MYH15: variants seen among roughly 807,000 people sequenced by gnomAD.
The protein encoded by MYH15 is myosin heavy chain 15, also known as myosin-15.
A neutral mutation model predicts 240.5 loss-of-function variants in MYH15; 227 were observed. The observed-to-expected ratio is 0.94, with a 90% CI of 0.85 to 1.05. The LOEUF is 1.05. Among genes scored for constraint, MYH15 ranks in the 50% least tolerant of loss-of-function variants. MYH15 has a pLI of 0.00. For synonymous variants in MYH15, 785 were observed against 796.7 expected (o/e 0.99, Z 0.25); for missense variants, 2,217 against 2,247.5 (o/e 0.99, Z 0.27).
At chr3:108,533,725 T>C (rs2083727575), upstream of MYH15, among the ~76,000 whole-genome samples, 1 of 152,172 alleles carries the variant, frequency 6.6e-6, no homozygotes, top group African/African-American at 2.4e-5. Context: ...AGAATACATG[T>C]CATAGGTCAG....
chr3:108,498,334 A>C (rs2083410013), intron 5 of MYH15, among the ~76,000 whole-genome samples, 189 bp from the exon 6 acceptor site: 1 of 152,234 alleles, frequency 6.6e-6, no homozygotes, highest in South Asian at 2.1e-4. Flanking sequence ...TTCAGGCTGG[A>C]AAAACAGCAT....
Position 108,410,934 on chromosome 3 carries a change from T to G in MYH15, c.4146-2A>C. On this transcript the variant is annotated splice_acceptor_variant, in intron 30 of 40. Coordinates refer to ENST00000693548, the MANE Select transcript of MYH15 (RefSeq NM_014981.3). LOFTEE classifies it high-confidence loss of function. ...TGCAATCTAATTGCCAGTTCCTTCCTGAGAAAGGAGGACACCCAAAGAGTG... is the reference window on the plus strand; with the variant it reads ...TGCAATCTAATTGCCAGTTCCTTCCGGAGAAAGGAGGACACCCAAAGAGTG... The G allele has an allele frequency of 6.3e-7, 1 of 1,589,978 alleles. No homozygotes were observed. The highest frequency in any genetic ancestry group is 1.1e-5 in the South Asian group (1 of 88,922).
intron 32 of MYH15, 84 bp downstream of exon 32, chr3:108,408,196 T>G: frequency 2.8e-6 from 4 of 1,443,138 alleles, no homozygotes; most frequent in Non-Finnish European, 2.8e-6. Flanking sequence ...ATACGTGTCC[T>G]TTTGTTGGTG....
chr3:108,494,675 G>T (rs1447664035), intron 7 of MYH15, among the ~76,000 whole-genome samples: 1 of 151,954 alleles, frequency 6.6e-6, no homozygotes, highest in Non-Finnish European at 1.5e-5. Flanking sequence ...TTTATTTTTA[G>T]TAGAAACAAA....
chr3:108,513,957 T>A (rs2083539897), upstream of MYH15, among the ~76,000 whole-genome samples: 1 of 152,176 alleles, frequency 6.6e-6, no homozygotes, highest in African/African-American at 2.4e-5. Context: ...ATATAAGCCA[T>A]CCGTATCCTG....
At chr3:108,531,717 C>T (rs2083711233), upstream of MYH15, among the ~76,000 whole-genome samples, 1 of 151,788 alleles carries the variant, frequency 6.6e-6, no homozygotes, top group Admixed American at 6.6e-5. Context: ...GCAGAGCTTG[C>T]AGTGAGACGA....
Position 108,384,783 on chromosome 3 carries a change from C to T in MYH15, c.5536-1G>A. 6.2e-7 allele frequency: 1 copy of T among 1,613,124 alleles called. No homozygotes were observed. The highest frequency in any genetic ancestry group is 1.1e-5 in the South Asian group (1 of 91,060). On this transcript the variant is annotated splice_acceptor_variant, in intron 38 of 40. Transcript: ENST00000693548. LOFTEE classifies it high-confidence loss of function. ...TCAGATTCTTCTTGTCTTCCTCTGC[C>T]TGCAATACATAGGCATGTATGGGAA...
rs746439397 is a variant in MYH15 at position 108,476,419 on chromosome 3, G to T, written c.1211C>A (p.Thr404Asn). 2.0e-5 allele frequency: 32 copies of T among 1,606,908 alleles called. No homozygotes were observed. Among genetic ancestry groups the T allele is most frequent in the Non-Finnish European group, 3.4e-6 (4 of 1,173,876 alleles). The change falls in exon 12 of 41, where the codon ACC becomes AAC. Residue 404 changes from threonine to asparagine, a missense_variant. Thr to Asn is a moderately conservative substitution (Grantham distance 65). Coordinates refer to ENST00000693548, the MANE Select transcript of MYH15 (RefSeq NM_014981.3). ...TACCTGTTCTATAGTTTGACCTCTGGTAACATATTCGTTACCAACTTTGAT... is the reference window on the plus strand; with the variant it reads ...TACCTGTTCTATAGTTTGACCTCTGTTAACATATTCGTTACCAACTTTGAT... Reference protein sequence around the residue: ...PRIKVGNEYVTRGQTIEQVTC... With the variant: ...PRIKVGNEYVNRGQTIEQVTC...
chr3:108,506,364 T>C (rs1308017938), intron 1 of MYH15, among the ~76,000 whole-genome samples: 2 of 152,154 alleles, frequency 1.3e-5, no homozygotes, highest in Non-Finnish European at 2.9e-5. Context: ...ATGGGTTGTT[T>C]TTGTTAAACA....
At chr3:108,428,032 C>T (rs1255590497) in intron 27 of MYH15, among the ~76,000 whole-genome samples, 1 of 152,172 alleles carries the variant, frequency 6.6e-6, no homozygotes, top group Non-Finnish European at 1.5e-5. Context: ...ATAGTACTGG[C>T]TGATTAAAAA....
intron 37 of MYH15, among the ~76,000 whole-genome samples, chr3:108,391,435 G>C (rs563143497): frequency 2.6e-5 from 4 of 152,216 alleles, no homozygotes; most frequent in Admixed American, 2.6e-4. Flanking sequence ...ACAGAAACAA[G>C]ACTGCCAGGG....
intron 11 of MYH15, among the ~76,000 whole-genome samples, chr3:108,479,913 A>G (rs1385443867): frequency 6.6e-6 from 1 of 152,202 alleles, no homozygotes; most frequent in Non-Finnish European, 1.5e-5. Context: ...TCTTTTATGG[A>G]AGGTTATAAT....
At chr3:108,496,618 C>T (rs1486008157) in intron 6 of MYH15, among the ~76,000 whole-genome samples, 1 of 151,934 alleles carries the variant, frequency 6.6e-6, no homozygotes, top group Non-Finnish European at 1.5e-5. Context: ...ATACTGTACT[C>T]AATAATTTAT....
At chr3:108,398,508 A>AC (rs2082479231) in intron 35 of MYH15, 129 bp downstream of exon 35, 12 of 638,494 alleles carry the variant, frequency 1.9e-5, no homozygotes, top group Non-Finnish European at 3.2e-5. Flanking sequence ...GAGTATGAAC[A>AC]TGCCTTGCTT....
chr3:108,479,916 G>T (rs1185098028), intron 11 of MYH15, among the ~76,000 whole-genome samples: 1 of 152,080 alleles, frequency 6.6e-6, no homozygotes, highest in East Asian at 1.9e-4. Context: ...TTTATGGAAG[G>T]TTATAATACA....
intron 21 of MYH15, among the ~76,000 whole-genome samples, chr3:108,451,913 A>T (rs1365482225): frequency 6.6e-6 from 1 of 151,708 alleles, no homozygotes; most frequent in Non-Finnish European, 1.5e-5. Flanking sequence ...CAGATAAATG[A>T]TTAAATAATT....
intron 38 of MYH15, among the ~76,000 whole-genome samples, chr3:108,387,658 TG>T (rs1296084056): frequency 2.0e-5 from 3 of 152,204 alleles, no homozygotes; most frequent in African/African-American, 7.2e-5. Context: ...GTCATCAACA[TG>T]GGTGGCTTCT....
intron 32 of MYH15, among the ~76,000 whole-genome samples, chr3:108,406,677 G>A (rs534537415): frequency 4.6e-5 from 7 of 152,216 alleles, no homozygotes; most frequent in Admixed American, 2.0e-4. Flanking sequence ...AATAAATAAC[G>A]CAATGTTACA....
Position 108,499,446 on chromosome 3 carries a change from A to G in MYH15, c.524+9T>C. 6.2e-7 allele frequency: 1 copy of G among 1,612,994 alleles called. No individual in the cohort carries two copies. Among genetic ancestry groups the G allele is most frequent in the Non-Finnish European group, 8.5e-7 (1 of 1,179,656 alleles). On this transcript the variant is annotated intron_variant, in intron 5 of 40. Coordinates refer to ENST00000693548, the MANE Select transcript of MYH15 (RefSeq NM_014981.3). ...CAGGCCAAAAAAGAAAAACAAGGCA[A>G]ACACTTACGTGAAGAGTATAGACTG...
Sources: gnomAD v4.1 joint callset for allele counts (sites outside exome capture counted in the v4.1 genomes callset) on GRCh38, gnomAD v4.1.1 for gene constraint, MANE v1.5 for transcripts, NCBI Gene and HGNC (gene_info 2026-07-23, HGNC 2026-07-21) for gene names.